JAK3: variants seen among roughly 807,000 people sequenced by gnomAD.
JAK3 encodes Janus kinase 3.
A neutral mutation model predicts 120.8 loss-of-function variants in JAK3; 88 were observed. The observed-to-expected ratio is 0.73, with a 90% CI of 0.61 to 0.87. The LOEUF is 0.87. Ranked by LOEUF, JAK3 falls within the 40% of genes least tolerant of loss-of-function variation. JAK3 has a pLI of 0.00. For synonymous variants in JAK3, 592 were observed against 628.6 expected (o/e 0.94, Z 0.87); for missense variants, 1,254 against 1,501.4 (o/e 0.84, Z 2.72).
Position 17,842,299 on chromosome 19 carries a change from G to T in JAK3, c.861+17C>A. On this transcript the variant is annotated intron_variant, in intron 6 of 23. Transcript: ENST00000458235. The surrounding 1 kb of genome is among the most constrained non-coding windows in gnomAD (Gnocchi z 6.4). ...GCCCCCACGTTGGCCCCGCCCAGCG[G>T]GGGAGTCCGCCCTCACCTCCTGTTC... 1 of 1,552,220 alleles carries T rather than the reference G, an allele frequency of 6.4e-7. No individual in the cohort carries two copies. Among genetic ancestry groups the T allele is most frequent in the Non-Finnish European group, 8.7e-7 (1 of 1,155,370 alleles).
In JAK3 at chr19:17,843,776, C is replaced by T. The variant is rs2147699944; in HGVS notation, c.308+1G>A. The T allele has an allele frequency of 6.2e-7, 1 of 1,613,516 alleles. No individual in the cohort carries two copies. Among genetic ancestry groups the T allele is most frequent in the Non-Finnish European group, 8.5e-7 (1 of 1,179,974 alleles). ...CCTGGGGGCTGGGGGGCACTTCCTA[C>T]CGAATCCTGTACAGCAGGACTTGGG... is the stretch of plus-strand genomic sequence containing the variant. On this transcript the variant is annotated splice_donor_variant, in intron 3 of 23. Transcript: ENST00000458235. LOFTEE classifies it high-confidence loss of function. The surrounding 1 kb of genome is among the most constrained non-coding windows in gnomAD (Gnocchi z 5.4).
At chr19:17,840,429 C>T (rs1411078445) in intron 8 of JAK3, 88 bp from the exon 9 acceptor site, 1 of 876,402 alleles carries the variant, frequency 1.1e-6, no homozygotes, top group Non-Finnish European at 1.9e-6. Flanking sequence ...ACCTCTGTAG[C>T]CCTGGGATCC....
In JAK3 at chr19:17,831,377, G is replaced by T. The variant is rs1315172619; in HGVS notation, c.2829C>A (p.Arg943=). 1 of 1,606,366 alleles carries T rather than the reference G, an allele frequency of 6.2e-7. No individual in the cohort carries two copies. The highest frequency in any genetic ancestry group is 1.3e-5 in the African/African-American group (1 of 74,846). ...CGGCCAGGTCGCGGTGCACGCAGCG[G>T]CGGGAGCCCAGGTACTCCATGCCCT... ...ICKGMEYLGS[R]RCVHRDLAAR... Residue 943 remains arginine, a synonymous_variant, in exon 21 of 24, where the codon CGC becomes CGA. Transcript: ENST00000458235. The surrounding 1 kb of genome is among the most constrained non-coding windows in gnomAD (Gnocchi z 5.1).
intron 13 of JAK3, chr19:17,836,737 A>G (rs3212760): frequency 0.38 from 165,029 of 432,382 alleles, 32,273 homozygotes; most frequent in East Asian, 0.56. Flanking sequence ...CTCTCTGACC[A>G]TCCACAGTGC....
rs2147699123 is a variant in JAK3, at chr19:17,843,194, C to T, written c.421-22G>A. The T allele has an allele frequency of 6.3e-7, 1 of 1,597,136 alleles. No individual in the cohort carries two copies. Among genetic ancestry groups the T allele is most frequent in the Non-Finnish European group, 8.5e-7 (1 of 1,174,536 alleles). ...GGTGCTGGGGGGCCGCCACAGGGAG[C>T]ATCAGCTGAGGCCACCCAACTTCAA... On this transcript the variant is annotated intron_variant, in intron 4 of 23. Coordinates refer to ENST00000458235, the MANE Select transcript of JAK3 (RefSeq NM_000215.4). The surrounding 1 kb of genome is among the most constrained non-coding windows in gnomAD (Gnocchi z 5.4).
chr19:17,829,393 C>T (rs889911851), intron 23 of JAK3, among the ~76,000 whole-genome samples: 4 of 152,026 alleles, frequency 2.6e-5, no homozygotes, highest in African/African-American at 4.8e-5. Context: ...TCCTGACCTC[C>T]GGTGATCTGA....
At chr19:17,830,017 T>C in intron 23 of JAK3, 91 bp downstream of exon 23, 1 of 913,308 alleles carries the variant, frequency 1.1e-6, no homozygotes, top group Non-Finnish European at 1.7e-6. Flanking sequence ...GCCTTTCTTC[T>C]CAGTACAGAG....
At position 17,842,323 on chromosome 19, in the gene JAK3, T is replaced by C; in HGVS notation, c.854A>G (p.Glu285Gly). Residue 285 changes from glutamate (E) to glycine (G), a missense_variant, in exon 6 of 24, where the codon GAA (glutamate) becomes GGA (glycine). Transcript: ENST00000458235. The surrounding 1 kb of genome is among the most constrained non-coding windows in gnomAD (Gnocchi z 6.4). ...GDGGIAWTQGEQEVLQPFCDF... is the reference protein window; with the variant it reads ...GDGGIAWTQGGQEVLQPFCDF... ...GGGGGAGTCCGCCCTCACCTCCTGT[T>C]CTCCCTGGGTCCAGGCGATGCCGCC... The C allele has an allele frequency of 1.3e-6, 2 of 1,584,110 alleles. No homozygotes were observed. Among genetic ancestry groups the C allele is most frequent in the Non-Finnish European group, 1.7e-6 (2 of 1,171,194 alleles).
intron 10 of JAK3, chr19:17,839,272 C>T: frequency 1.5e-6 from 1 of 686,212 alleles, no homozygotes; most frequent in African/African-American, 1.8e-5. Context: ...GTGCAGATGA[C>T]ATGGCTCACA....
In JAK3 at chr19:17,844,215, C is replaced by A; in HGVS notation, c.184+19G>T. ...GCCCCATCCTTCCCTCTGGCCCGAT[C>A]CACTAGGGATGCACTCACCGCTGGC... is the stretch of plus-strand genomic sequence containing the variant. On this transcript the variant is annotated intron_variant, in intron 2 of 23. Transcript: ENST00000458235. 6.4e-7 allele frequency: 1 copy of A among 1,571,462 alleles called. No individual in the cohort carries two copies. The highest frequency in any genetic ancestry group is 8.6e-7 in the Non-Finnish European group (1 of 1,159,442).
rs752610872 is a variant in JAK3, at chr19:17,834,744, G to A, written c.2200-23C>T. ...TTTCTGAGGGTGAGAGGAGCAGTCG[G>A]TAATCCCCAACCCAATAGACCCACC... On this transcript the variant is annotated intron_variant, in intron 16 of 23. Coordinates refer to ENST00000458235, the MANE Select transcript of JAK3 (RefSeq NM_000215.4). The A allele has an allele frequency of 3.7e-6, 6 of 1,614,090 alleles. No individual in the cohort carries two copies. The Admixed American group carries it at 5.0e-5, about 13-fold the overall frequency.
intron 17 of JAK3, among the ~76,000 whole-genome samples, chr19:17,834,351 T>C (rs1034924223): frequency 5.3e-5 from 8 of 152,002 alleles, no homozygotes; most frequent in Non-Finnish European, 1.2e-4. Context: ...CAAGACTCTG[T>C]CTCAAAAATA....
rs1416438490 is a variant in JAK3, at chr19:17,832,008, C to T, written c.2681-210G>A. Among the ~76,000 whole-genome samples the T allele has an allele frequency of 6.6e-6, 1 of 152,232 alleles. No homozygotes were observed. Among genetic ancestry groups the T allele is most frequent in the African/African-American group, 2.4e-5 (1 of 41,458 alleles). On this transcript the variant is annotated intron_variant, in intron 19 of 23. Transcript: ENST00000458235. The surrounding 1 kb of genome is among the most constrained non-coding windows in gnomAD (Gnocchi z 4.7). The stretch of plus-strand genomic sequence containing the variant: ...TATATATCACGGCCAGGTGCAGTGG[C>T]TCACGCCTGTAATCCCAGCACTTTG...
rs1454093124 is a variant in JAK3 at position 17,834,958 on chromosome 19, T to C, written c.2093A>G (p.Glu698Gly). The change falls in exon 16 of 24, where the codon GAG becomes GGG. Residue 698 changes from glutamate (E) to glycine (G), a missense_variant. This residue lies in a region of JAK3 where 630 missense variants were observed against 819.8 expected (regional missense o/e 0.77). Coordinates refer to ENST00000458235, the MANE Select transcript of JAK3 (RefSeq NM_000215.4). ...AGCTTCCAAGCTAAGTGTCTGCGCC[T>C]CCCGGAGACACTCGGGGGCCACCCA... ...IPWVAPECLR[E>G]AQTLSLEADK... 6.2e-7 allele frequency: 1 copy of C among 1,613,868 alleles called. No homozygotes were observed.
rs560529368 is a variant in JAK3 at position 17,825,729 on chromosome 19, G to A, written c.*1014C>T. The A allele has an allele frequency of 4.9e-5, 8 of 161,968 alleles. No homozygotes were observed. The highest frequency in any genetic ancestry group is 2.9e-3 in the Middle Eastern group (1 of 344). 10.0% of individuals were successfully genotyped at this position (161,968 alleles called of 1,614,324 possible). On this transcript the variant is annotated 3_prime_UTR_variant, in exon 24 of 24. Transcript: ENST00000458235. Reference sequence around the variant, plus strand: ...ATCCTGGCTAACAAGGTGAAACCCCGTCTCTACTAAAAATACAAAAAATTA... The same window carrying A: ...ATCCTGGCTAACAAGGTGAAACCCCATCTCTACTAAAAATACAAAAAATTA...
At position 17,825,545 on chromosome 19, in the gene JAK3, T is replaced by C; in HGVS notation, c.*1198A>G. The C allele has an allele frequency of 5.0e-6, 1 of 200,294 alleles. No individual in the cohort carries two copies. The highest frequency in any genetic ancestry group is 7.6e-5 in the East Asian group (1 of 13,106). The allele number at this position is 200,294 out of a possible 1,614,324, so 12.4% of individuals were successfully genotyped here. A position where few individuals can be genotyped will look rare whatever the true frequency, so the allele number is the denominator to read the frequency against. On this transcript the variant is annotated 3_prime_UTR_variant, in exon 24 of 24. Transcript: ENST00000458235. ...GCAGAGTCCCAGCCACAGCAACTGC[T>C]CTTGTCCTTGGCTTCCTCCAGAGAA...
chr19:17,826,957 A>T, intron 23 of JAK3, 47 bp from the exon 24 acceptor site: 1 of 1,581,040 alleles, frequency 6.3e-7, no homozygotes, highest in Non-Finnish European at 8.6e-7. Context: ...AGCAGTCCAA[A>T]GGACACAACT....
At position 17,826,801 on chromosome 19, in the gene JAK3, T is replaced by C. The variant is rs374152339; in HGVS notation, c.3317A>G (p.Glu1106Gly). 5.0e-5 allele frequency: 81 copies of C among 1,613,874 alleles called. No individual in the cohort carries two copies. The highest frequency in any genetic ancestry group is 6.8e-5 in the Non-Finnish European group (80 of 1,179,984). ...TGGGTGAGCAGTGAAGGCATGAGTC[T>C]CACACCCCCGGCTTCCGCTCCACAG... is the stretch of plus-strand genomic sequence containing the variant. ...DMLWSGSRGC[E>G]THAFTAHPEG... Residue 1106 changes from glutamate to glycine, a missense_variant, in exon 24 of 24, where the codon GAG (glutamate) becomes GGG (glycine). This residue lies in a region of JAK3 where 630 missense variants were observed against 819.8 expected (regional missense o/e 0.77). Coordinates refer to ENST00000458235, the MANE Select transcript of JAK3 (RefSeq NM_000215.4).
In JAK3 at chr19:17,842,535, C is replaced by T. The variant is rs573511623; in HGVS notation, c.642G>A (p.Arg214=). ...GLSFVTRRRI[R]RTVRRALRRV... ...GGCGCAGGGCTCTGCGCACCGTCCT[C>T]CGAATACGCCTCCGCGTCACGAAGC... is the stretch of plus-strand genomic sequence containing the variant. The change falls in exon 6 of 24, where the codon CGG becomes CGA. Residue 214 remains arginine (R), a synonymous_variant. Transcript: ENST00000458235. The surrounding 1 kb of genome is among the most constrained non-coding windows in gnomAD (Gnocchi z 6.4). 6.3e-7 allele frequency: 1 copy of T among 1,590,212 alleles called. No individual in the cohort carries two copies. Among genetic ancestry groups the T allele is most frequent in the Non-Finnish European group, 8.6e-7 (1 of 1,169,246 alleles).
Sources: allele counts gnomAD v4.1 joint callset (sites outside exome capture counted in the v4.1 genomes callset), GRCh38; gene constraint gnomAD v4.1.1; regional missense constraint gnomAD v4.1.1; non-coding constraint Gnocchi (gnomAD v3.1); transcripts MANE v1.5; gene names NCBI Gene and HGNC (gene_info 2026-07-23, HGNC 2026-07-21).